HYDIN: variants seen among roughly 807,000 people sequenced by gnomAD.
The protein encoded by HYDIN is axonemal central pair apparatus protein HYDIN.
HYDIN carries 132 observed loss-of-function variants against 403.9 expected under a neutral mutation model. The observed-to-expected ratio is 0.33, with a 90% confidence interval of 0.28 to 0.38. The LOEUF (loss-of-function observed/expected upper bound fraction) is 0.38, where lower values mean the gene tolerates loss of function less well. Ranked by LOEUF, HYDIN falls within the 10% of genes least tolerant of loss-of-function variation. HYDIN has a pLI of 1.00. For synonymous variants in HYDIN, 1,202 were observed against 1,891.7 expected (o/e 0.64, Z 9.46); for missense variants, 2,827 against 5,009.5 (o/e 0.56, Z 13.15).
intron 22 of HYDIN, among the ~76,000 whole-genome samples, chr16:71,019,304 GA>G (rs1410642120): frequency 2.0e-5 from 3 of 152,278 alleles, no homozygotes; most frequent in Non-Finnish European, 4.4e-5. Context: ...ACACAGGAAT[GA>G]ATCTGTTTTC....
intron 41 of HYDIN, among the ~76,000 whole-genome samples, chr16:70,949,350 C>T (rs12449119): frequency 0.48 from 70,879 of 148,384 alleles, 20,407 homozygotes; most frequent in Non-Finnish European, 0.65. Flanking sequence ...GGAGATATAC[C>T]TAATGTTAGA....
intron 16 of HYDIN, among the ~76,000 whole-genome samples, chr16:71,063,603 G>C (rs1002128820): frequency 6.6e-6 from 1 of 152,138 alleles, no homozygotes; most frequent in Non-Finnish European, 1.5e-5. Flanking sequence ...GCCTGCTGTG[G>C]AGCATCTGAG....
rs1207087044 is a variant in HYDIN at position 70,837,833 on chromosome 16, C to T, written c.13099G>A (p.Val4367Met). The stretch of plus-strand genomic sequence containing the variant: ...TCCAATGTGTTTCCTGGCTTTACCA[C>T]ATCAACACGGGAGTTCACCTCGAGG... ...THLEVNSRVD[V>M]VKPGNTLEIP... Residue 4367 changes from valine to methionine, a missense_variant, in exon 77 of 86, where the codon GTG (valine) becomes ATG (methionine). Val to Met is a conservative substitution (Grantham distance 21). Transcript: ENST00000393567. The T allele has an allele frequency of 3.1e-6, 5 of 1,613,994 alleles. No individual in the cohort carries two copies. Among genetic ancestry groups the T allele is most frequent in the East Asian group, 2.2e-5 (1 of 44,886 alleles).
chr16:71,012,923 TGAGA>T (rs1416525968), intron 23 of HYDIN, among the ~76,000 whole-genome samples: 1 of 147,514 alleles, frequency 6.8e-6, no homozygotes, highest in Non-Finnish European at 1.5e-5. Flanking sequence ...GCCAGGAAGC[TGAGA>T]GAGAGGAATC....
chr16:71,220,716 G>C (rs1395993738), intron 1 of HYDIN, among the ~76,000 whole-genome samples: 2 of 152,190 alleles, frequency 1.3e-5, no homozygotes, highest in Non-Finnish European at 2.9e-5. Flanking sequence ...CAGACTAGGA[G>C]AGAGAGTGGA....
At chr16:70,906,633 C>T (rs924713728) in intron 50 of HYDIN, among the ~76,000 whole-genome samples, 33 of 152,228 alleles carry the variant, frequency 2.2e-4, no homozygotes, top group East Asian at 1.9e-4. Context: ...GCCTGCCCTG[C>T]GCTCCAGGCT....
chr16:71,006,115 A>AC (rs2079881884), intron 23 of HYDIN, among the ~76,000 whole-genome samples: 1 of 150,880 alleles, frequency 6.6e-6, no homozygotes, highest in Admixed American at 6.6e-5. Context: ...AAACAATTCC[A>AC]CCCCTATGAC....
chr16:70,971,368 T>C (rs1200850049), intron 35 of HYDIN, among the ~76,000 whole-genome samples: 3 of 152,270 alleles, frequency 2.0e-5, no homozygotes, highest in African/African-American at 7.2e-5. Context: ...TACTGGTTAA[T>C]AGTGATATCA....
chr16:70,922,255 GCT>G (rs1242168874), intron 45 of HYDIN, among the ~76,000 whole-genome samples: 3 of 152,214 alleles, frequency 2.0e-5, no homozygotes, highest in Non-Finnish European at 4.4e-5. Context: ...CAGGGACTTG[GCT>G]CCTATTCCTT....
At chr16:71,021,953 T>C in intron 21 of HYDIN, among the ~76,000 whole-genome samples, 1 of 152,020 alleles carries the variant, frequency 6.6e-6, no homozygotes, top group African/African-American at 2.4e-5. Flanking sequence ...AGTCTCCCTG[T>C]GCACTCCCAG....
chr16:71,211,977 A>G (rs1391277378), intron 1 of HYDIN, among the ~76,000 whole-genome samples: 4 of 152,192 alleles, frequency 2.6e-5, no homozygotes, highest in Non-Finnish European at 5.9e-5. Context: ...AAACAACTGG[A>G]GTCTTCAAAA....
chr16:71,004,265 G>A (rs1342264441), intron 23 of HYDIN, among the ~76,000 whole-genome samples: 3 of 146,920 alleles, frequency 2.0e-5, no homozygotes, highest in African/African-American at 7.5e-5. Context: ...AGTGAGCCGA[G>A]ATCATGCCAT....
At chr16:70,853,056 C>CT (rs1380960528) in intron 73 of HYDIN, among the ~76,000 whole-genome samples, 2 of 151,584 alleles carry the variant, frequency 1.3e-5, no homozygotes, top group African/African-American at 4.8e-5. Flanking sequence ...TGGTGCGTGC[C>CT]TGTAGCCTTA....
intron 1 of HYDIN, among the ~76,000 whole-genome samples, chr16:71,202,161 C>A (rs1334495521): frequency 6.6e-6 from 1 of 152,188 alleles, no homozygotes; most frequent in Non-Finnish European, 1.5e-5. Flanking sequence ...TTACTACAGC[C>A]ATCACACATG....
At chr16:71,159,861 T>C (rs1359156525) in intron 6 of HYDIN, among the ~76,000 whole-genome samples, 2 of 151,684 alleles carry the variant, frequency 1.3e-5, no homozygotes, top group African/African-American at 4.9e-5. Flanking sequence ...AAACACTTTT[T>C]TCCAGATAAA....
intron 67 of HYDIN, 25 bp downstream of exon 67, chr16:70,866,144 T>C (rs1489560514): frequency 6.2e-7 from 1 of 1,608,936 alleles, no homozygotes; most frequent in South Asian, 1.1e-5. Flanking sequence ...TTCCATCTAG[T>C]ATCACGAGAC....
At chr16:70,830,214 C>G (rs1282839570) in intron 80 of HYDIN, among the ~76,000 whole-genome samples, 2 of 149,256 alleles carry the variant, frequency 1.3e-5, no homozygotes, top group African/African-American at 5.0e-5. Context: ...ACAGTGTGAT[C>G]AGGAAGGGCC....
In HYDIN at chr16:70,854,182, C is replaced by T. The variant is rs149090005; in HGVS notation, c.12443+946G>A. On this transcript the variant is annotated intron_variant, in intron 73 of 85. Transcript: ENST00000393567. Reference sequence around the variant, plus strand: ...GGTGTAAGCCACCACGCCCAGCAGTCTTCCTATTATTTCTTACAACTACAT... The same window carrying T: ...GGTGTAAGCCACCACGCCCAGCAGTTTTCCTATTATTTCTTACAACTACAT... Among the ~76,000 whole-genome samples the T allele has an allele frequency of 5.4e-3, 822 of 152,186 alleles. 4 individuals carry two copies. Among genetic ancestry groups the T allele is most frequent in the South Asian group, 8.5e-3 (41 of 4,814 alleles).
chr16:71,125,932 A>ACCAC (rs1405497362), intron 9 of HYDIN, among the ~76,000 whole-genome samples: 2 of 150,604 alleles, frequency 1.3e-5, no homozygotes, highest in East Asian at 3.9e-4. Context: ...TCTGACCTGC[A>ACCAC]CCACCCATCT....
Sources: allele counts gnomAD v4.1 joint callset (sites outside exome capture counted in the v4.1 genomes callset), GRCh38; gene constraint gnomAD v4.1.1; transcripts MANE v1.5; gene names NCBI Gene and HGNC (gene_info 2026-07-23, HGNC 2026-07-21).